STAU2: variants seen among roughly 807,000 people sequenced by gnomAD.
The protein encoded by STAU2 is double-stranded RNA-binding protein Staufen homolog 2.
Under a neutral mutation model 65.9 loss-of-function variants are expected in STAU2, and 20 were observed. That is an observed-to-expected ratio of 0.30 (90% CI 0.21 to 0.44). The LOEUF is 0.44. Among genes scored for constraint, STAU2 ranks in the 20% least tolerant of loss-of-function variants. STAU2 has a pLI of 1.00. For synonymous variants in STAU2, 232 were observed against 233.9 expected, an observed-to-expected ratio of 0.99 and a Z score of 0.07; for missense variants, 558 against 683.9, an observed-to-expected ratio of 0.82 and a Z score of 2.05.
chr8:73,628,612 C>T (rs558054744), intron 6 of STAU2, among the ~76,000 whole-genome samples: 5 of 152,188 alleles, frequency 3.3e-5, no homozygotes, highest in South Asian at 2.1e-4. Context: ...AAAGGATTCA[C>T]GAAACGAGCT....
chr8:73,705,213 A>G (rs1015695406), intron 4 of STAU2, among the ~76,000 whole-genome samples: 3 of 152,184 alleles, frequency 2.0e-5, no homozygotes, highest in African/African-American at 2.4e-5. Context: ...ATGAGGTATT[A>G]TATTACTCCA....
chr8:73,428,372 T>C (rs959565826), intron 13 of STAU2, among the ~76,000 whole-genome samples: 3 of 121,012 alleles, frequency 2.5e-5, no homozygotes, highest in African/African-American at 1.4e-4. Flanking sequence ...CATCCATTAA[T>C]GGACATTTAG....
chr8:73,683,314 A>C (rs114180144), intron 5 of STAU2, among the ~76,000 whole-genome samples: 1 of 152,180 alleles, frequency 6.6e-6, no homozygotes, highest in Non-Finnish European at 1.5e-5. Context: ...TTTAACGTCC[A>C]CAAGTCAATA....
chr8:73,659,667 A>G (rs942443568), intron 6 of STAU2, among the ~76,000 whole-genome samples: 4 of 152,206 alleles, frequency 2.6e-5, no homozygotes, highest in Non-Finnish European at 4.4e-5. Flanking sequence ...GTGAAAGAGC[A>G]TTGCTTCAAA....
chr8:73,555,025 C>T (rs1807624464), intron 12 of STAU2, among the ~76,000 whole-genome samples: 1 of 152,150 alleles, frequency 6.6e-6, no homozygotes, highest in African/African-American at 2.4e-5. Flanking sequence ...CTTCAGGCAT[C>T]GCACCAACCA....
rs201210593 is a variant in STAU2 at position 73,617,372 on chromosome 8, G to T, written c.490C>A (p.Arg164=). ...NNEFFGEGKT[R]QAARHNAAMK... ...GCAGCATTGTGTCTAGCAGCTTGTCGAGTCTTTCCTTCCCCAAAAAATTCA... is the reference window on the plus strand; with the variant it reads ...GCAGCATTGTGTCTAGCAGCTTGTCTAGTCTTTCCTTCCCCAAAAAATTCA... The change falls in exon 7 of 15, where the codon CGA becomes AGA. Residue 164 remains arginine, a synonymous_variant. Transcript: ENST00000524300. 22 of 1,614,026 alleles carry T rather than the reference G, an allele frequency of 1.4e-5. No homozygotes were observed. The highest frequency in any genetic ancestry group is 1.8e-5 in the Non-Finnish European group (21 of 1,179,982).
intron 6 of STAU2, among the ~76,000 whole-genome samples, chr8:73,654,811 T>TGTGTAGCTGGGACTACAG (rs1167970287): frequency 6.8e-6 from 1 of 147,352 alleles, no homozygotes; most frequent in Non-Finnish European, 1.5e-5. Context: ...CTCAGCCTCC[T>TGTGTAGCTGGGACTACAG]GTGTAGCTGG....
intron 13 of STAU2, among the ~76,000 whole-genome samples, chr8:73,487,819 G>A (rs913565229): frequency 2.6e-5 from 4 of 151,992 alleles, no homozygotes; most frequent in Non-Finnish European, 4.4e-5. Flanking sequence ...GAGAGGTTAA[G>A]TTCCAAAAAC....
At chr8:73,511,040 G>A (rs1210356162) in intron 13 of STAU2, among the ~76,000 whole-genome samples, 3 of 152,242 alleles carry the variant, frequency 2.0e-5, no homozygotes, top group Non-Finnish European at 4.4e-5. Context: ...AAGGCAGTGT[G>A]GGCTCACCAA....
chr8:73,548,029 A>G (rs1262475724), intron 13 of STAU2, among the ~76,000 whole-genome samples: 3 of 152,130 alleles, frequency 2.0e-5, no homozygotes, highest in African/African-American at 7.2e-5. Flanking sequence ...TGTGTAGGTT[A>G]TATGTAAATA....
At chr8:73,687,476 T>C (rs1262425548) in intron 5 of STAU2, among the ~76,000 whole-genome samples, 3 of 138,986 alleles carry the variant, frequency 2.2e-5, no homozygotes, top group South Asian at 2.1e-4. Context: ...AAAATATATA[T>C]AATTATATAA....
At chr8:73,487,341 G>A (rs552561449) in intron 13 of STAU2, among the ~76,000 whole-genome samples, 6 of 152,238 alleles carry the variant, frequency 3.9e-5, no homozygotes, top group African/African-American at 1.4e-4. Flanking sequence ...TGACTGGCAT[G>A]TGAGTGAGGG....
At chr8:73,503,733 A>G (rs1821891381) in intron 13 of STAU2, among the ~76,000 whole-genome samples, 1 of 152,070 alleles carries the variant, frequency 6.6e-6, no homozygotes, top group Non-Finnish European at 1.5e-5. Context: ...TGCAACGTTA[A>G]TATCTGAGCA....
At chr8:73,745,635 C>A (rs1807215028) in intron 1 of STAU2, among the ~76,000 whole-genome samples, 1 of 152,172 alleles carries the variant, frequency 6.6e-6, no homozygotes, top group Non-Finnish European at 1.5e-5. Context: ...AAAGGATCAT[C>A]TCTAGCCTTT....
chr8:73,493,929 G>T (rs4738375), intron 13 of STAU2, among the ~76,000 whole-genome samples: 1 of 151,724 alleles, frequency 6.6e-6, no homozygotes, highest in Non-Finnish European at 1.5e-5. Context: ...TGGATACACA[G>T]AACAGGGCTG....
Position 73,637,477 on chromosome 8 carries a change from T to TAAAAAAAAAAAAAAAAAAA in STAU2, c.411-20045_411-20027dup, listed in dbSNP as rs60833468. ...TAAAGTCTTTATAAAGTGCTGAAAGTAAAAAAAAAAAAAAAAAAAAAAAAA... is the reference window on the plus strand; with the variant it reads ...TAAAGTCTTTATAAAGTGCTGAAAGTAAAAAAAAAAAAAAAAAAAAAAAAAAAAAAAAAAAAAAAAAAAA... On this transcript the variant is annotated intron_variant, in intron 6 of 14. Coordinates refer to ENST00000524300, the MANE Select transcript of STAU2 (RefSeq NM_001164380.2). 8.1e-4 allele frequency among the ~76,000 whole-genome samples: 46 copies of TAAAAAAAAAAAAAAAAAAA among 57,094 alleles called. 2 individuals are homozygous for TAAAAAAAAAAAAAAAAAAA. Among genetic ancestry groups the TAAAAAAAAAAAAAAAAAAA allele is most frequent in the Non-Finnish European group, 9.2e-4 (31 of 33,724 alleles). The allele number at this position is 57,094 out of a possible 152,430, so 37.5% of individuals were successfully genotyped here.
chr8:73,630,602 C>T (rs533190829), intron 6 of STAU2, among the ~76,000 whole-genome samples: 1 of 152,306 alleles, frequency 6.6e-6, no homozygotes, highest in Admixed American at 6.5e-5. Context: ...TGAAATAACT[C>T]AGTCATCATG....
chr8:73,525,560 C>T (rs1823311701), intron 13 of STAU2, among the ~76,000 whole-genome samples: 2 of 152,100 alleles, frequency 1.3e-5, no homozygotes, highest in Admixed American at 1.3e-4. Flanking sequence ...AGCCAAGTCC[C>T]CAAGAGGTGA....
At chr8:73,456,926 AC>A (rs1819103431) in intron 13 of STAU2, among the ~76,000 whole-genome samples, 1 of 152,226 alleles carries the variant, frequency 6.6e-6, no homozygotes, top group Non-Finnish European at 1.5e-5. Flanking sequence ...ACCAAATGAA[AC>A]CAAGGTCTCT....
Sources: gnomAD v4.1 joint callset for allele counts (sites outside exome capture counted in the v4.1 genomes callset) on GRCh38, gnomAD v4.1.1 for gene constraint, MANE v1.5 for transcripts, NCBI Gene and HGNC (gene_info 2026-07-23, HGNC 2026-07-21) for gene names.